The following PCSK7 variants were observed in gnomAD, a reference collection of about 807,000 sequenced individuals.
PCSK7 encodes lymphoma proprotein convertase.
A neutral mutation model predicts 73.3 loss-of-function variants in PCSK7; 38 were observed. That is an observed-to-expected ratio of 0.52 (90% CI 0.40 to 0.68). The LOEUF is 0.68. Among genes scored for constraint, PCSK7 ranks in the 30% least tolerant of loss-of-function variants. The pLI, the probability that PCSK7 is intolerant of heterozygous loss-of-function variation, is 0.00. For synonymous variants in PCSK7, 296 were observed against 383.8 expected (o/e 0.77, Z 2.68); for missense variants, 692 against 991.5 (o/e 0.70, Z 4.06).
intron 8 of PCSK7, chr11:117,223,806 C>T (rs2032302180): frequency 6.7e-6 from 3 of 444,574 alleles, no homozygotes; most frequent in Non-Finnish European, 1.2e-5. Flanking sequence ...AGAAGGTGGC[C>T]CACAGAAAGA....
rs1197978162 is a variant in PCSK7, at chr11:117,204,347, GATC to G, written c.*1647_*1649del. On this transcript the variant is annotated 3_prime_UTR_variant, in exon 17 of 17. Coordinates refer to ENST00000320934, the MANE Select transcript of PCSK7 (RefSeq NM_004716.4). The stretch of plus-strand genomic sequence containing the variant: ...TGACAGGCTACGGACGACCTCGGCA[GATC>G]ATCAGTTAGAGCGGAGAGGGCTAGC... The G allele has an allele frequency of 1.2e-6, 2 of 1,614,242 alleles. No homozygotes were observed. The highest frequency in any genetic ancestry group is 1.3e-5 in the African/African-American group (1 of 75,062).
chr11:117,227,251 GC>G lies in PCSK7; in HGVS notation c.674del (p.Gly225AlafsTer88). 1 of 1,613,524 alleles carries G rather than the reference GC, an allele frequency of 6.2e-7. No individual in the cohort carries two copies. The highest frequency in any genetic ancestry group is 8.5e-7 in the Non-Finnish European group (1 of 1,179,526). On this transcript the variant is annotated frameshift_variant, in exon 5 of 17. Coordinates refer to ENST00000320934, the MANE Select transcript of PCSK7 (RefSeq NM_004716.4). LOFTEE classifies it high-confidence loss of function. ...CTGCACATCGCGTGCCATGGTGGTT[GC>G]CATTCTCCACATCCGGGTGGGGCAT... is the stretch of plus-strand genomic sequence containing the variant. ...DPMPHPDVEN[G>X]NHHGTRCAGE...
At chr11:117,214,931 A>C (rs1471398605) in intron 12 of PCSK7, 1 of 152,174 alleles carries the variant, frequency 6.6e-6, no homozygotes, top group Non-Finnish European at 1.5e-5. Context: ...TTCCAATCAC[A>C]GACTCTCTGA....
intron 7 of PCSK7, among the ~76,000 whole-genome samples, 188 bp downstream of exon 7, chr11:117,224,513 C>CA (rs752866102): frequency 2.6e-5 from 4 of 152,172 alleles, no homozygotes; most frequent in Non-Finnish European, 5.9e-5. Context: ...AATCTCAAAG[C>CA]ACTGTTCCAT....
chr11:117,211,178 T>C (rs1023437170), intron 12 of PCSK7: 1 of 152,300 alleles, frequency 6.6e-6, no homozygotes, highest in African/African-American at 2.4e-5. Flanking sequence ...GGCTAGATGC[T>C]TGGCTCACTG....
rs1591794440 is a variant in PCSK7 at position 117,215,393 on chromosome 11, T to C, written c.1534+3073A>G. 3 of 85,664 alleles carry C rather than the reference T, an allele frequency of 3.5e-5. 1 individual carries two copies. Among genetic ancestry groups the C allele is most frequent in the African/African-American group, 2.4e-4 (3 of 12,352 alleles). The allele number at this position is 85,664 out of a possible 1,614,324, so 5.3% of individuals were successfully genotyped here. ...GTGTGTGTGTGTGTATATATATATA[T>C]ATATATATATATACTTTTTTTTTTT... is the stretch of plus-strand genomic sequence containing the variant. On this transcript the variant is annotated intron_variant, in intron 12 of 16. Transcript: ENST00000320934.
At position 117,222,847 on chromosome 11, in the gene PCSK7, A is replaced by G. The variant is rs146607532; in HGVS notation, c.1155+361T>C. 1,674 of 183,298 alleles carry G rather than the reference A, an allele frequency of 9.1e-3. 23 individuals are homozygous for G. The highest frequency in any genetic ancestry group is 0.038 in the African/African-American group (1,588 of 42,308). 11.4% of individuals were successfully genotyped at this position (183,298 alleles called of 1,614,324 possible). ...TTTTTAGTAGAGACAGGGTTTCACC[A>G]TGTTGGCCAGGCTGGTCTTGAACTC... On this transcript the variant is annotated intron_variant, in intron 9 of 16. Transcript: ENST00000320934.
chr11:117,223,532 C>T, intron 8 of PCSK7: 1 of 563,210 alleles, frequency 1.8e-6, no homozygotes, highest in African/African-American at 1.9e-5. Context: ...TTTCAGTAGG[C>T]TCTGGGGTAC....
rs1236568204 is a variant in PCSK7, at chr11:117,225,944, T to C, written c.847A>G (p.Ile283Val). The change falls in exon 6 of 17, where the codon ATC becomes GTC. Residue 283 changes from isoleucine to valine, a missense_variant. This residue lies in a region of PCSK7 where 574 missense variants were observed against 689.8 expected (regional missense o/e 0.83). Transcript: ENST00000320934. Reference sequence around the variant, plus strand: ...GCTCTGCCTCACCTGCAGCTGTAGATGTCATTGATCTGATAGTGCTTGTTG... The same window carrying C: ...GCTCTGCCTCACCTGCAGCTGTAGACGTCATTGATCTGATAGTGCTTGTTG... ...AFNKHYQIND[I>V]YSCSWGPDDD... 1.2e-6 allele frequency: 2 copies of C among 1,604,254 alleles called. No homozygotes were observed. The highest frequency in any genetic ancestry group is 1.3e-5 in the African/African-American group (1 of 74,668).
chr11:117,224,909 G>A (rs1257978313), intron 6 of PCSK7, 154 bp from the exon 7 acceptor site: 1 of 664,684 alleles, frequency 1.5e-6, no homozygotes, highest in Non-Finnish European at 2.7e-6. Flanking sequence ...AAAGGCACAG[G>A]GTTCAAAGGT....
In PCSK7 at chr11:117,228,690, G is replaced by A. The variant is rs1310388375; in HGVS notation, c.469-340C>T. Among the ~76,000 whole-genome samples the A allele has an allele frequency of 4.0e-5, 6 of 149,574 alleles. No homozygotes were observed. In the East Asian group the frequency reaches 9.8e-4, roughly 25 times the overall value. On this transcript the variant is annotated intron_variant, in intron 3 of 16. Transcript: ENST00000320934. ...GTGTGGAGTGCAGTGGCAGGATCTC[G>A]GCTCACTGCAAGCTCCGCCTCCCGG... is the stretch of plus-strand genomic sequence containing the variant.
intron 7 of PCSK7, 74 bp from the exon 8 acceptor site, chr11:117,224,290 T>C: frequency 3.4e-6 from 5 of 1,468,970 alleles, no homozygotes; most frequent in Non-Finnish European, 3.8e-6. Context: ...TCAGTCACCC[T>C]CTCCACCCCT....
At chr11:117,211,988 TTTC>T (rs1397890342) in intron 12 of PCSK7, 1 of 152,248 alleles carries the variant, frequency 6.6e-6, no homozygotes, top group Non-Finnish European at 1.5e-5. Context: ...TCAGATATTA[TTTC>T]TTTTCCTGTA....
intron 9 of PCSK7, 37 bp downstream of exon 9, chr11:117,223,171 A>G: frequency 8.2e-7 from 1 of 1,215,858 alleles, no homozygotes; most frequent in Non-Finnish European, 1.2e-6. Flanking sequence ...GTCTTGTGGG[A>G]AAGGGGCAGG....
At chr11:117,208,164 TG>T in intron 13 of PCSK7, 100 bp from the exon 14 acceptor site, 1 of 337,604 alleles carries the variant, frequency 3.0e-6, no homozygotes, top group Non-Finnish European at 5.0e-6. Context: ...GGAAACAACC[TG>T]GGAGGGTGCC....
intron 6 of PCSK7, 38 bp downstream of exon 6, chr11:117,225,893 T>A (rs2032404173): frequency 7.5e-7 from 1 of 1,328,154 alleles, no homozygotes; most frequent in Non-Finnish European, 1.1e-6. Context: ...TCCCAGGTGC[T>A]CCAGGCTCTT....
At chr11:117,208,852 G>A (rs1347334055) in intron 13 of PCSK7, 45 bp downstream of exon 13, 1 of 1,576,864 alleles carries the variant, frequency 6.3e-7, no homozygotes, top group Admixed American at 1.8e-5. Flanking sequence ...CCCTGGAAAG[G>A]CCCTTGCTGA....
intron 9 of PCSK7, 153 bp downstream of exon 9, chr11:117,223,055 G>T: frequency 1.6e-6 from 1 of 638,240 alleles, no homozygotes; most frequent in Non-Finnish European, 2.8e-6. Context: ...ACTACTCCAA[G>T]GGTGGCATGC....
intron 6 of PCSK7, chr11:117,225,055 C>T (rs912948455): frequency 2.2e-5 from 3 of 134,366 alleles, no homozygotes; most frequent in African/African-American, 3.1e-5. Flanking sequence ...ACATGTAGAC[C>T]TTTTTTTTTT....
Sources: allele counts gnomAD v4.1 joint callset (sites outside exome capture counted in the v4.1 genomes callset), GRCh38; gene constraint gnomAD v4.1.1; regional missense constraint gnomAD v4.1.1; transcripts MANE v1.5; gene names NCBI Gene and HGNC (gene_info 2026-07-23, HGNC 2026-07-21).